Variants in HNRNPM observed in about 807,000 individuals in gnomAD.
HNRNPM encodes CEA receptor.
Under a neutral mutation model 73.1 loss-of-function variants are expected in HNRNPM, and 11 were observed. The observed-to-expected ratio is 0.15, with a 90% CI of 0.09 to 0.25. The LOEUF is 0.25. Among genes scored for constraint, HNRNPM ranks in the 10% least tolerant of loss-of-function variants. The pLI is 1.00. For missense variants in HNRNPM, 789 were observed against 1,067.9 expected, an observed-to-expected ratio of 0.74 and a Z score of 3.64; for synonymous variants, 407 against 355.2, an observed-to-expected ratio of 1.15 and a Z score of -1.64.
intron 15 of HNRNPM, 169 bp downstream of exon 15, chr19:8,487,244 T>G: frequency 3.0e-6 from 2 of 675,110 alleles, no homozygotes; most frequent in South Asian, 1.7e-5. Context: ...TCCTGTGATG[T>G]GTCACATGTT....
chr19:8,485,585 T>C lies in HNRNPM; in HGVS notation c.1175-18T>C. 6.3e-7 allele frequency: 1 copy of C among 1,590,726 alleles called. No individual in the cohort carries two copies. Among genetic ancestry groups the C allele is most frequent in the Non-Finnish European group, 8.5e-7 (1 of 1,170,806 alleles). ...TCAAGTTCTTGACACCCACCTGTGT[T>C]TTGTGTCCCTGTTTCAGGTGGAGGT... On this transcript the variant is annotated intron_variant, in intron 13 of 15. Coordinates refer to ENST00000325495, the MANE Select transcript of HNRNPM (RefSeq NM_005968.5).
chr19:8,466,496 T>C (rs573675888), intron 7 of HNRNPM, 108 bp downstream of exon 7: 14 of 1,132,982 alleles, frequency 1.2e-5, no homozygotes, highest in South Asian at 1.1e-4. Context: ...ATGTTTTTTA[T>C]GTGACTAGGG....
rs1245508596 is a variant in HNRNPM, at chr19:8,466,385, A to T, written c.781A>T (p.Ile261Leu). 1.2e-6 allele frequency: 2 copies of T among 1,613,950 alleles called. No individual in the cohort carries two copies. The part of the protein sequence containing the change: ...FEQSIEAVQA[I>L]SMFNGQLLFD... ...ACAGTCCATTGAAGCTGTGCAAGCTATATGTATCCTTCTGCAGGAATTCAA... is the reference window on the plus strand; with the variant it reads ...ACAGTCCATTGAAGCTGTGCAAGCTTTATGTATCCTTCTGCAGGAATTCAA... Residue 261 changes from isoleucine (I) to leucine (L), a missense_variant, in exon 7 of 16, where the codon ATA becomes TTA. Physicochemically the swap from Ile to Leu is conservative, Grantham distance 5. This residue lies in a region of HNRNPM where 604 missense variants were observed against 744.0 expected (regional missense o/e 0.81). Coordinates refer to ENST00000325495, the MANE Select transcript of HNRNPM (RefSeq NM_005968.5).
At position 8,486,387 on chromosome 19, in the gene HNRNPM, C is replaced by A; in HGVS notation, c.1959C>A (p.Cys653Ter). 6.4e-7 allele frequency: 1 copy of A among 1,568,310 alleles called. No individual in the cohort carries two copies. The highest frequency in any genetic ancestry group is 8.6e-7 in the Non-Finnish European group (1 of 1,163,428). The change falls in exon 14 of 16, where the codon TGC becomes TGA. Residue 653 changes from cysteine (C) to a stop codon, truncating the protein, a stop_gained. Coordinates refer to ENST00000325495, the MANE Select transcript of HNRNPM (RefSeq NM_005968.5). LOFTEE classifies it high-confidence loss of function. The part of the protein sequence containing the change: ...GHAPGVARKA[C>*]QIFVRNLPFD... The stretch of plus-strand genomic sequence containing the variant: ...CTCCTGGGGTGGCCAGGAAGGCCTG[C>A]CAGATATTTGTGAGAAATGTAAGTG...
chr19:8,466,797 C>T lies in HNRNPM; in HGVS notation c.784+409C>T, dbSNP rs994115425. Reference sequence around the variant, plus strand: ...GCCGAGATTGCGCCACTGCACACCACCAGCCTGGGTGATAGAGTGAGACTC... The same window carrying T: ...GCCGAGATTGCGCCACTGCACACCATCAGCCTGGGTGATAGAGTGAGACTC... On this transcript the variant is annotated intron_variant, in intron 7 of 15. Transcript: ENST00000325495. Among the ~76,000 whole-genome samples, 5 of 128,042 alleles carry T rather than the reference C, an allele frequency of 3.9e-5. No individual in the cohort carries two copies. The South Asian group carries it at 7.9e-4, about 20-fold the overall frequency. The allele number at this position is 128,042 out of a possible 152,430, so 84.0% of individuals were successfully genotyped here.
intron 7 of HNRNPM, 95 bp from the exon 8 acceptor site, chr19:8,467,440 G>A (rs1969832059): frequency 1.2e-6 from 1 of 822,638 alleles, no homozygotes; most frequent in African/African-American, 1.7e-5. Context: ...ATCACTTAGA[G>A]GGACTGGTAG....
At chr19:8,473,122 A>G (rs1364546176) in intron 10 of HNRNPM, among the ~76,000 whole-genome samples, 1 of 152,148 alleles carries the variant, frequency 6.6e-6, no homozygotes, top group Admixed American at 6.5e-5. Context: ...GTGGTGGCGT[A>G]GTCCCAGCTA....
At chr19:8,473,534 T>C (rs189533978) in intron 10 of HNRNPM, 130 bp from the exon 11 acceptor site, 1 of 653,884 alleles carries the variant, frequency 1.5e-6, no homozygotes, top group South Asian at 1.8e-5. Flanking sequence ...GATTAAAATA[T>C]ATAAAATATA....
chr19:8,472,897 A>T (rs1016605796), intron 10 of HNRNPM, among the ~76,000 whole-genome samples: 2 of 151,742 alleles, frequency 1.3e-5, no homozygotes, highest in Non-Finnish European at 3.0e-5. Flanking sequence ...AGGGATTCTT[A>T]AAAAAAATCT....
At chr19:8,458,469 G>C (rs985414880) in intron 2 of HNRNPM, among the ~76,000 whole-genome samples, 2 of 152,232 alleles carry the variant, frequency 1.3e-5, no homozygotes, top group Non-Finnish European at 2.9e-5. Flanking sequence ...TTGAGACCAA[G>C]TCCTGTATGA....
At chr19:8,473,926 T>TC (rs1015340559) in intron 11 of HNRNPM, among the ~76,000 whole-genome samples, 10 of 152,050 alleles carry the variant, frequency 6.6e-5, no homozygotes, top group Admixed American at 5.9e-4. Context: ...GGCAGACCAC[T>TC]CCATCTCTAT....
At position 8,485,826 on chromosome 19, in the gene HNRNPM, C is replaced by T; in HGVS notation, c.1398C>T (p.Ala466=). 1.2e-6 allele frequency: 2 copies of T among 1,603,514 alleles called. No individual in the cohort carries two copies. Among genetic ancestry groups the T allele is most frequent in the Non-Finnish European group, 1.7e-6 (2 of 1,179,558 alleles). The change falls in exon 14 of 16, where the codon GCC becomes GCT. Residue 466 remains alanine (A), a synonymous_variant. Transcript: ENST00000325495. ...RMGPLGLDHM[A]SSIERMGQTM... ...GCCCGCTGGGCCTCGACCACATGGCCTCCAGCATTGAGCGCATGGGCCAGA... is the reference window on the plus strand; with the variant it reads ...GCCCGCTGGGCCTCGACCACATGGCTTCCAGCATTGAGCGCATGGGCCAGA...
intron 10 of HNRNPM, among the ~76,000 whole-genome samples, 164 bp downstream of exon 10, chr19:8,471,591 A>AT (rs1273122413): frequency 6.6e-6 from 1 of 152,154 alleles, no homozygotes; most frequent in Non-Finnish European, 1.5e-5. Flanking sequence ...AGTATTTTGT[A>AT]TTTTTATCAA....
At chr19:8,474,903 C>A (rs1010213177) in intron 12 of HNRNPM, among the ~76,000 whole-genome samples, 1 of 151,998 alleles carries the variant, frequency 6.6e-6, no homozygotes, top group Non-Finnish European at 1.5e-5. Context: ...TTAGTAGAGT[C>A]GGAGTTTCAC....
At chr19:8,480,343 C>A (rs150600138) in intron 12 of HNRNPM, among the ~76,000 whole-genome samples, 494 of 108,508 alleles carry the variant, frequency 4.6e-3, no homozygotes, top group East Asian at 4.9e-3. Context: ...GACTCCATCT[C>A]AAAAAAAAAA....
intron 1 of HNRNPM, among the ~76,000 whole-genome samples, chr19:8,447,705 T>C (rs1968299978): frequency 1.3e-5 from 2 of 151,636 alleles, no homozygotes; most frequent in South Asian, 4.2e-4. Context: ...GGCAACATGG[T>C]GAAACCCTGT....
At chr19:8,447,792 C>T (rs963081578) in intron 1 of HNRNPM, among the ~76,000 whole-genome samples, 3 of 152,086 alleles carry the variant, frequency 2.0e-5, no homozygotes, top group Admixed American at 6.6e-5. Flanking sequence ...TTTGGGAGGC[C>T]GAGGCGGGCA....
chr19:8,466,335 G>A lies in HNRNPM; in HGVS notation c.731G>A (p.Arg244His). The change falls in exon 7 of 16, where the codon CGT becomes CAT. Residue 244 changes from arginine to histidine, a missense_variant. Physicochemically the swap from Arg to His is conservative, Grantham distance 29 (BLOSUM62 0). Coordinates refer to ENST00000325495, the MANE Select transcript of HNRNPM (RefSeq NM_005968.5). ...CTTGAAGATAAAGATGGAAAAAGTC[G>A]TGGAATAGGCACTGTTACTTTTGAA... ...DILEDKDGKS[R>H]GIGTVTFEQS... 2.5e-6 allele frequency: 4 copies of A among 1,614,074 alleles called. No individual in the cohort carries two copies. The highest frequency in any genetic ancestry group is 3.4e-6 in the Non-Finnish European group (4 of 1,179,952).
intron 15 of HNRNPM, chr19:8,487,375 G>C (rs1239782225): frequency 2.5e-5 from 9 of 364,908 alleles, no homozygotes; most frequent in Non-Finnish European, 4.6e-5. Context: ...AGGTTACCTG[G>C]CTTCTAGGTG....
Sources: gnomAD v4.1 joint callset for allele counts (sites outside exome capture counted in the v4.1 genomes callset) on GRCh38, gnomAD v4.1.1 for gene constraint, gnomAD v4.1.1 regional missense constraint, MANE v1.5 for transcripts, NCBI Gene and HGNC (gene_info 2026-07-23, HGNC 2026-07-21) for gene names.